CTNNA1: variants seen among roughly 807,000 people sequenced by gnomAD.
The protein encoded by CTNNA1 is catenin alpha-1.
A neutral mutation model predicts 98.4 loss-of-function variants in CTNNA1; 37 were observed. That is an observed-to-expected ratio of 0.38 (90% CI 0.29 to 0.49). CTNNA1 has a LOEUF of 0.49. Among genes scored for constraint, CTNNA1 ranks in the 20% least tolerant of loss-of-function variants. CTNNA1 has a pLI of 0.95. For missense variants in CTNNA1, 761 were observed against 1,147.2 expected (o/e 0.66, Z 4.86); for synonymous variants, 404 against 413.2 (o/e 0.98, Z 0.27).
chr5:138,856,502 C>T (rs979357475), intron 7 of CTNNA1, among the ~76,000 whole-genome samples: 4 of 152,072 alleles, frequency 2.6e-5, no homozygotes, highest in Non-Finnish European at 2.9e-5. Flanking sequence ...TTACCACACT[C>T]GGCTAATTTT....
chr5:138,813,084 A>G (rs1245543632), intron 5 of CTNNA1, among the ~76,000 whole-genome samples: 1 of 152,204 alleles, frequency 6.6e-6, no homozygotes, highest in Non-Finnish European at 1.5e-5. Flanking sequence ...AACTGCTTGA[A>G]AAATGGGGGA....
At chr5:138,885,904 T>C (rs564970548) in intron 7 of CTNNA1, among the ~76,000 whole-genome samples, 1 of 152,294 alleles carries the variant, frequency 6.6e-6, no homozygotes, top group East Asian at 1.9e-4. Flanking sequence ...ATGCTGAACC[T>C]TGAGTTAAAA....
At chr5:138,899,639 C>T (rs931007672) in intron 9 of CTNNA1, among the ~76,000 whole-genome samples, 5 of 152,146 alleles carry the variant, frequency 3.3e-5, no homozygotes, top group Non-Finnish European at 7.3e-5. Context: ...CTGGCCTTGG[C>T]CCATTAAAAC....
chr5:138,809,126 TGGTGTAAG>T (rs1440881840), intron 3 of CTNNA1, among the ~76,000 whole-genome samples: 1 of 152,210 alleles, frequency 6.6e-6, no homozygotes, highest in Non-Finnish European at 1.5e-5. Context: ...CCGAGATTGC[TGGTGTAAG>T]CCACCATGCC....
chr5:138,753,768 C>T (rs1020966983), intron 1 of CTNNA1: 3 of 284,108 alleles, frequency 1.1e-5, no homozygotes, highest in Admixed American at 1.1e-4. Flanking sequence ...CTCGGGAAGT[C>T]GGGGGGCCGC....
At chr5:138,756,320 C>T (rs1561489803) in intron 1 of CTNNA1, among the ~76,000 whole-genome samples, 1 of 152,060 alleles carries the variant, frequency 6.6e-6, no homozygotes, top group East Asian at 1.9e-4. Context: ...CTTCAGCCAC[C>T]GTGCCCAGCC....
chr5:138,887,510 C>T lies in CTNNA1; in HGVS notation c.1164C>T (p.Asp388=). 1 of 1,607,462 alleles carries T rather than the reference C, an allele frequency of 6.2e-7. No homozygotes were observed. Among genetic ancestry groups the T allele is most frequent in the Non-Finnish European group, 8.5e-7 (1 of 1,177,324 alleles). The part of the protein sequence containing the change: ...LRRQLRKAVM[D]HVSDSFLETN... The stretch of plus-strand genomic sequence containing the variant: ...ATTAGCTCCGCAAAGCTGTCATGGA[C>T]CACGTTTCAGATTCTTTCCTGGAAA... The change falls in exon 9 of 18, where the codon GAC becomes GAT. Residue 388 remains aspartate (D), a synonymous_variant. Transcript: ENST00000302763.
chr5:138,887,472 T>G lies in CTNNA1; in HGVS notation c.1144-18T>G, dbSNP rs2150031713. 1.9e-6 allele frequency: 3 copies of G among 1,569,878 alleles called. No individual in the cohort carries two copies. Among genetic ancestry groups the G allele is most frequent in the Non-Finnish European group, 2.6e-6 (3 of 1,158,292 alleles). The stretch of plus-strand genomic sequence containing the variant: ...TTTTGGTAGAAATAAAATCAAATTT[T>G]TACAATTTAATCATTAGCTCCGCAA... On this transcript the variant is annotated intron_variant, in intron 8 of 17. Transcript: ENST00000302763.
At chr5:138,906,020 G>C (rs995588434) in intron 10 of CTNNA1, among the ~76,000 whole-genome samples, 1 of 151,734 alleles carries the variant, frequency 6.6e-6, no homozygotes, top group Non-Finnish European at 1.5e-5. Flanking sequence ...CTATTATTTG[G>C]CTTTTTTCAT....
At chr5:138,907,995 C>T (rs944712581) in intron 10 of CTNNA1, among the ~76,000 whole-genome samples, 9 of 150,840 alleles carry the variant, frequency 6.0e-5, no homozygotes, top group African/African-American at 9.8e-5. Flanking sequence ...TCTTCTTCTT[C>T]GAGACAGAGT....
chr5:138,925,397 T>TGATG lies in CTNNA1; in HGVS notation c.1890_1893dup (p.Ile632AspfsTer6), dbSNP rs1171924320. 1 of 1,614,020 alleles carries TGATG rather than the reference T, an allele frequency of 6.2e-7. No individual in the cohort carries two copies. Among genetic ancestry groups the TGATG allele is most frequent in the Non-Finnish European group, 8.5e-7 (1 of 1,180,040 alleles). On this transcript the variant is annotated frameshift_variant, in exon 13 of 18. Transcript: ENST00000302763. LOFTEE classifies it high-confidence loss of function. The stretch of plus-strand genomic sequence containing the variant: ...ATCCGGGACATCAGGAAAGCAGTGC[T>TGATG]GATGATAAGGGTGAGTAACTGCATT...
chr5:138,827,149 C>T (rs1260772259), intron 6 of CTNNA1, among the ~76,000 whole-genome samples: 1 of 152,186 alleles, frequency 6.6e-6, no homozygotes, highest in Non-Finnish European at 1.5e-5. Context: ...TTATATTCTG[C>T]AAGTAAGAGG....
chr5:138,810,009 CTGAG>C, intron 3 of CTNNA1, 25 bp from the exon 4 acceptor site: 1 of 1,572,390 alleles, frequency 6.4e-7, no homozygotes, highest in Non-Finnish European at 8.7e-7. Flanking sequence ...TTCATTCTTG[CTGAG>C]TTTGTTTTTC....
At chr5:138,760,388 G>A (rs183072743) in intron 1 of CTNNA1, among the ~76,000 whole-genome samples, 252 of 148,322 alleles carry the variant, frequency 1.7e-3, no homozygotes, top group Middle Eastern at 3.8e-3. Context: ...TTTTGGAGGG[G>A]ACAGAGTCTC....
chr5:138,836,966 T>G (rs1272046127), intron 7 of CTNNA1, among the ~76,000 whole-genome samples: 1 of 152,216 alleles, frequency 6.6e-6, no homozygotes, highest in Non-Finnish European at 1.5e-5. Context: ...GACCGTTAGA[T>G]TTGCGTGTCT....
chr5:138,916,477 C>T (rs1326374498), intron 10 of CTNNA1, among the ~76,000 whole-genome samples: 2 of 151,246 alleles, frequency 1.3e-5, no homozygotes, highest in East Asian at 1.9e-4. Context: ...GTCCTCCTGC[C>T]TCAGCCTCCC....
chr5:138,874,973 G>C lies in CTNNA1; in HGVS notation c.1063-11239G>C, dbSNP rs753430265. 1 of 1,575,858 alleles carries C rather than the reference G, an allele frequency of 6.3e-7. No individual in the cohort carries two copies. The highest frequency in any genetic ancestry group is 1.3e-5 in the African/African-American group (1 of 74,102). ...TTGTTAGACTCAACGCAGTGAGTCT[G>C]TAAAAGGCTCTAACATGTAGGAGCC... On this transcript the variant is annotated intron_variant, in intron 7 of 17. Coordinates refer to ENST00000302763, the MANE Select transcript of CTNNA1 (RefSeq NM_001903.5). The surrounding 1 kb of genome is among the most constrained non-coding windows in gnomAD (Gnocchi z 4.1).
chr5:138,766,194 G>A (rs936849335), intron 1 of CTNNA1, among the ~76,000 whole-genome samples: 1 of 152,160 alleles, frequency 6.6e-6, no homozygotes, highest in Non-Finnish European at 1.5e-5. Context: ...AACATGGTAT[G>A]TTGTGTCTCT....
chr5:138,827,506 T>C lies in CTNNA1; in HGVS notation c.859-9T>C, dbSNP rs1760841101. 1 of 1,614,144 alleles carries C rather than the reference T, an allele frequency of 6.2e-7. No homozygotes were observed. Among genetic ancestry groups the C allele is most frequent in the Non-Finnish European group, 8.5e-7 (1 of 1,179,976 alleles). On this transcript the variant is annotated splice_polypyrimidine_tract_variant and intron_variant, in intron 6 of 17. Transcript: ENST00000302763. ...TGAGTACTAACATTCGGTAATACTT[T>C]CTCTGCAGAAACAAATCATTGTGGA...
Sources: allele counts gnomAD v4.1 joint callset (sites outside exome capture counted in the v4.1 genomes callset), GRCh38; gene constraint gnomAD v4.1.1; non-coding constraint Gnocchi (gnomAD v3.1); transcripts MANE v1.5; gene names NCBI Gene and HGNC (gene_info 2026-07-23, HGNC 2026-07-21).